The following KLHDC4 variants were observed in gnomAD, a reference collection of about 807,000 sequenced individuals.
KLHDC4 encodes the protein kelch domain containing 4, also known as kelch domain-containing protein 4.
Under a neutral mutation model 62.4 loss-of-function variants are expected in KLHDC4, and 90 were observed. The ratio of observed to expected loss-of-function variants is 1.44; its 90% CI spans 1.22 to 1.72. The LOEUF (loss-of-function observed/expected upper bound fraction) is 1.72. Among genes scored for constraint, KLHDC4 ranks in the 40% most tolerant of loss-of-function variants. KLHDC4 has a pLI of 0.00. For missense variants in KLHDC4, 1,025 were observed against 699.7 expected, an observed-to-expected ratio of 1.47 and a Z score of -5.25; for synonymous variants, 386 against 284.4, an observed-to-expected ratio of 1.36 and a Z score of -3.59.
chr16:87,720,239 C>T (rs1334693449), intron 7 of KLHDC4, among the ~76,000 whole-genome samples: 3 of 152,158 alleles, frequency 2.0e-5, no homozygotes, highest in Non-Finnish European at 2.9e-5. Flanking sequence ...TGGGAGAAGA[C>T]GGCCAGACGA....
At chr16:87,714,416 CACAT>C in intron 8 of KLHDC4, 78 bp downstream of exon 8, 1 of 1,587,666 alleles carries the variant, frequency 6.3e-7, no homozygotes, top group Non-Finnish European at 8.6e-7. Context: ...CCGCCAGCCC[CACAT>C]CCATGGGAGG....
intron 7 of KLHDC4, among the ~76,000 whole-genome samples, chr16:87,718,293 C>A: frequency 7.8e-6 from 1 of 128,036 alleles, no homozygotes; most frequent in Non-Finnish European, 1.6e-5. Context: ...CGCTCTCCCT[C>A]TCCCTCTCCC....
intron 4 of KLHDC4, among the ~76,000 whole-genome samples, chr16:87,754,374 T>C (rs773805448): frequency 5.3e-5 from 8 of 152,134 alleles, no homozygotes; most frequent in Admixed American, 3.3e-4. Flanking sequence ...TACAAGCGTA[T>C]ACAAATCTGA....
intron 8 of KLHDC4, 124 bp downstream of exon 8, chr16:87,714,374 G>T: frequency 8.9e-7 from 1 of 1,123,498 alleles, no homozygotes; most frequent in Non-Finnish European, 1.1e-6. Context: ...ATCTCGGCAG[G>T]CCCTCCGCTC....
chr16:87,704,970 C>T (rs2034485923), downstream of KLHDC4, among the ~76,000 whole-genome samples: 1 of 152,010 alleles, frequency 6.6e-6, no homozygotes, highest in African/African-American at 2.4e-5. Context: ...CTTTAAAATC[C>T]CACAAAGCCC....
chr16:87,727,182 T>TTAC (rs1555569663), intron 6 of KLHDC4, among the ~76,000 whole-genome samples: 74 of 18,572 alleles, frequency 4.0e-3, no homozygotes, highest in African/African-American at 0.027. Flanking sequence ...GGCAACATTT[T>TTAC]CACCTGTTTA....
intron 4 of KLHDC4, among the ~76,000 whole-genome samples, chr16:87,752,089 CA>C (rs1173625123): frequency 0.075 from 2,194 of 29,310 alleles, 14 homozygotes; most frequent in East Asian, 0.22. Context: ...GACTTTGTCT[CA>C]AAAAAAAAAA....
intron 7 of KLHDC4, 23 bp from the exon 8 acceptor site, chr16:87,714,596 G>C: frequency 6.2e-7 from 1 of 1,613,514 alleles, no homozygotes; most frequent in Non-Finnish European, 8.5e-7. Context: ...GGAATTGTGT[G>C]AGAACCGGGG....
downstream of KLHDC4, among the ~76,000 whole-genome samples, chr16:87,706,994 C>T (rs1056742722): frequency 5.3e-5 from 8 of 152,330 alleles, no homozygotes; most frequent in South Asian, 1.7e-3. Flanking sequence ...TTGTTTTCAA[C>T]TCCCAGATAA....
intron 5 of KLHDC4, among the ~76,000 whole-genome samples, chr16:87,745,923 C>A (rs1252830429): frequency 6.6e-6 from 1 of 152,154 alleles, no homozygotes; most frequent in Non-Finnish European, 1.5e-5. Flanking sequence ...ATCACAAATA[C>A]ATTAAGCAGC....
chr16:87,752,605 G>T (rs1369484724), intron 4 of KLHDC4, among the ~76,000 whole-genome samples: 1 of 151,942 alleles, frequency 6.6e-6, no homozygotes, highest in Non-Finnish European at 1.5e-5. Flanking sequence ...AAAGTGCTGG[G>T]ATTACAGGCA....
chr16:87,725,693 C>A (rs2039240251), intron 7 of KLHDC4, among the ~76,000 whole-genome samples: 1 of 152,190 alleles, frequency 6.6e-6, no homozygotes, highest in Non-Finnish European at 1.5e-5. Context: ...GAGGACAGAG[C>A]CTGTGCCAGC....
chr16:87,733,683 G>A (rs1401483846), intron 5 of KLHDC4, among the ~76,000 whole-genome samples: 1 of 125,218 alleles, frequency 8.0e-6, no homozygotes, highest in Non-Finnish European at 1.7e-5. Context: ...CCTCACTGAT[G>A]ACCTGCCTCG....
intron 7 of KLHDC4, among the ~76,000 whole-genome samples, chr16:87,725,195 C>T (rs922276797): frequency 2.0e-5 from 3 of 152,082 alleles, no homozygotes; most frequent in African/African-American, 7.2e-5. Context: ...GCAGCGGGGC[C>T]GAGTGGGAAG....
At chr16:87,705,326 G>A (rs1290746779), downstream of KLHDC4, among the ~76,000 whole-genome samples, 2 of 152,236 alleles carry the variant, frequency 1.3e-5, no homozygotes, top group African/African-American at 4.8e-5. Context: ...GGCAGGCAGA[G>A]CTCCGCCCAG....
chr16:87,730,401 A>C (rs993561873), intron 6 of KLHDC4, 151 bp downstream of exon 6: 1 of 618,040 alleles, frequency 1.6e-6, no homozygotes. Flanking sequence ...GGCCCTTTGG[A>C]GGGCAAGGCC....
chr16:87,753,019 C>T (rs1039800732), intron 4 of KLHDC4, among the ~76,000 whole-genome samples: 7 of 152,240 alleles, frequency 4.6e-5, no homozygotes, highest in African/African-American at 1.7e-4. Flanking sequence ...ACTCCAGCCC[C>T]TGCAGGCAGC....
chr16:87,709,904 C>G, intron 9 of KLHDC4: 2 of 562,700 alleles, frequency 3.6e-6, no homozygotes, highest in South Asian at 5.0e-5. Context: ...AAACCCCCCA[C>G]TGCGTGTCCT....
At chr16:87,744,895 G>A (rs867206709) in intron 5 of KLHDC4, among the ~76,000 whole-genome samples, 9 of 152,060 alleles carry the variant, frequency 5.9e-5, no homozygotes, top group African/African-American at 2.2e-4. Flanking sequence ...ACGCTCACAC[G>A]CATGCAGTCA....
Sources: allele counts gnomAD v4.1 joint callset (sites outside exome capture counted in the v4.1 genomes callset), GRCh38; gene constraint gnomAD v4.1.1; transcripts MANE v1.5; gene names NCBI Gene and HGNC (gene_info 2026-07-23, HGNC 2026-07-21).